The following LDLRAD4 variants were observed in gnomAD, a reference collection of about 807,000 sequenced individuals.
LDLRAD4 encodes low density lipoprotein receptor class A domain containing 4, also known as low-density lipoprotein receptor class A domain-containing protein 4.
LDLRAD4 carries 5 observed loss-of-function variants against 17.0 expected under a neutral mutation model. That is an observed-to-expected ratio of 0.29 (90% CI 0.15 to 0.62). LDLRAD4 has a LOEUF of 0.62. Among genes scored for constraint, LDLRAD4 ranks in the 20% least tolerant of loss-of-function variants. The probability of loss-of-function intolerance (pLI) is 0.84; values close to 1 mark genes in which losing one functional copy is unlikely to be tolerated. For missense variants in LDLRAD4, 340 were observed against 424.7 expected (o/e 0.80, Z 1.75); for synonymous variants, 168 against 171.8 (o/e 0.98, Z 0.17).
intron 4 of LDLRAD4, chr18:13,642,079 C>T (rs1311165089): frequency 5.1e-6 from 5 of 985,436 alleles, no homozygotes; most frequent in Admixed American, 6.1e-5. Flanking sequence ...TCCCTCCCGT[C>T]ACAGGCGGTC....
At chr18:13,455,661 C>T (rs773850952) in intron 3 of LDLRAD4, among the ~76,000 whole-genome samples, 7 of 152,244 alleles carry the variant, frequency 4.6e-5, no homozygotes, top group African/African-American at 9.6e-5. Flanking sequence ...ATGTCCTCCC[C>T]GTGGCTGGGG....
upstream of LDLRAD4, among the ~76,000 whole-genome samples, chr18:13,277,153 G>A (rs1567959242): frequency 1.3e-5 from 2 of 152,128 alleles, no homozygotes; most frequent in Non-Finnish European, 2.9e-5. Flanking sequence ...TGTTTTATCC[G>A]GCTGTCTTTA....
At chr18:13,459,815 C>T (rs941505374) in intron 3 of LDLRAD4, 17 of 153,678 alleles carry the variant, frequency 1.1e-4, no homozygotes, top group African/African-American at 3.8e-4. Flanking sequence ...TCTACATTTT[C>T]TCAGGCAGTG....
At chr18:13,411,437 G>A (rs780072637) in intron 2 of LDLRAD4, among the ~76,000 whole-genome samples, 1 of 152,128 alleles carries the variant, frequency 6.6e-6, no homozygotes, top group African/African-American at 2.4e-5. Flanking sequence ...ATATGGTTTG[G>A]CTGTGTCCTT....
chr18:13,571,058 G>A (rs182073077), intron 3 of LDLRAD4, among the ~76,000 whole-genome samples: 51 of 152,136 alleles, frequency 3.4e-4, no homozygotes, highest in African/African-American at 1.1e-3. Context: ...GGCCTCAAGC[G>A]ATCCTCCCGC....
intron 3 of LDLRAD4, among the ~76,000 whole-genome samples, chr18:13,541,791 A>G (rs1295490577): frequency 2.6e-5 from 4 of 152,202 alleles, no homozygotes; most frequent in Non-Finnish European, 4.4e-5. Context: ...GGTGGCTCAC[A>G]CTTGTGATCC....
chr18:13,317,767 A>T (rs534456283), intron 1 of LDLRAD4, among the ~76,000 whole-genome samples: 1 of 152,332 alleles, frequency 6.6e-6, no homozygotes, highest in African/African-American at 2.4e-5. Context: ...CCCAAAATAT[A>T]AGTAATGTTT....
intron 1 of LDLRAD4, among the ~76,000 whole-genome samples, chr18:13,365,915 A>C (rs754691312): frequency 2.1e-4 from 32 of 152,162 alleles, no homozygotes; most frequent in Non-Finnish European, 3.5e-4. Flanking sequence ...CTGGGATTAC[A>C]GGCGCCCGTC....
At chr18:13,253,955 C>T (rs899291453) in intron 1 of LDLRAD4, among the ~76,000 whole-genome samples, 2 of 152,220 alleles carry the variant, frequency 1.3e-5, no homozygotes, top group Non-Finnish European at 2.9e-5. Flanking sequence ...GAGCCGAGGC[C>T]GCAGAAGGCC....
At chr18:13,347,830 C>T (rs959486847) in intron 1 of LDLRAD4, among the ~76,000 whole-genome samples, 4 of 152,214 alleles carry the variant, frequency 2.6e-5, no homozygotes, top group East Asian at 1.9e-4. Flanking sequence ...TTTGATCTTC[C>T]GTCACTGATA....
rs981592966 is a variant in LDLRAD4 at position 13,501,615 on chromosome 18, G to C, written c.181+63231G>C. Among the ~76,000 whole-genome samples, 3 of 151,436 alleles carry C rather than the reference G, an allele frequency of 2.0e-5. No individual in the cohort carries two copies. The South Asian group carries it at 6.3e-4, about 32-fold the overall frequency. ...TTTTTTGCAGAATCTTGTAGGGTGT[G>C]TTGTGAAAAGTCTGCCAGCCAGGTG... On this transcript the variant is annotated intron_variant, in intron 3 of 5. Coordinates refer to ENST00000359446, the Ensembl canonical transcript of LDLRAD4.
chr18:13,223,588 A>G (rs1236075013), intron 1 of LDLRAD4, among the ~76,000 whole-genome samples: 3 of 152,174 alleles, frequency 2.0e-5, no homozygotes, highest in South Asian at 4.1e-4. Flanking sequence ...TCCATTGGAA[A>G]GTCTCTCTGC....
chr18:13,330,533 A>G (rs929080636), intron 1 of LDLRAD4, among the ~76,000 whole-genome samples: 5 of 152,166 alleles, frequency 3.3e-5, no homozygotes, highest in African/African-American at 1.2e-4. Context: ...CTGGAAACCT[A>G]ATCTTTTTTA....
chr18:13,510,886 G>A (rs568737139), intron 3 of LDLRAD4, among the ~76,000 whole-genome samples: 1 of 152,284 alleles, frequency 6.6e-6, no homozygotes, highest in African/African-American at 2.4e-5. Flanking sequence ...GCTGGGGTGA[G>A]GAGTGAGAGG....
At chr18:13,467,329 C>A (rs1454723174) in intron 3 of LDLRAD4, among the ~76,000 whole-genome samples, 1 of 152,122 alleles carries the variant, frequency 6.6e-6, no homozygotes, top group Non-Finnish European at 1.5e-5. Context: ...ATGCAAAAAT[C>A]AAGTGTGTTT....
At chr18:13,555,169 A>C (rs900810874) in intron 3 of LDLRAD4, among the ~76,000 whole-genome samples, 1 of 152,216 alleles carries the variant, frequency 6.6e-6, no homozygotes, top group Non-Finnish European at 1.5e-5. Flanking sequence ...ACAGTGACTA[A>C]AGGTGATGAG....
At chr18:13,320,688 C>T (rs2081169330) in intron 1 of LDLRAD4, among the ~76,000 whole-genome samples, 1 of 152,194 alleles carries the variant, frequency 6.6e-6, no homozygotes, top group South Asian at 2.1e-4. Context: ...TGAGGCTCAG[C>T]ACAGGCTGTG....
intron 3 of LDLRAD4, among the ~76,000 whole-genome samples, chr18:13,563,504 A>C (rs1412193571): frequency 6.6e-6 from 1 of 152,166 alleles, no homozygotes; most frequent in Non-Finnish European, 1.5e-5. Flanking sequence ...GATAGTCTTC[A>C]TTTGCGGAGG....
chr18:13,645,567 G>A lies in LDLRAD4; in HGVS notation c.831G>A (p.Arg277=), dbSNP rs1287904874. ...ATCACCAGCGCAGCAACGCACACAG[G>A]GGCAGCAGACTGCAGTTTCAGCAGA... The change falls in exon 6 of 6, where the codon AGG becomes AGA. Residue 277 remains arginine (R), a synonymous_variant. Transcript: ENST00000359446. This position sits in a 1 kb window ranked among gnomAD's most constrained non-coding sequence, Gnocchi z 5.7. 6.2e-7 allele frequency: 1 copy of A among 1,605,824 alleles called. No individual in the cohort carries two copies. The highest frequency in any genetic ancestry group is 1.1e-5 in the South Asian group (1 of 89,690).
Sources: allele counts gnomAD v4.1 joint callset (sites outside exome capture counted in the v4.1 genomes callset), GRCh38; gene constraint gnomAD v4.1.1; non-coding constraint Gnocchi (gnomAD v3.1); transcripts MANE v1.5; gene names NCBI Gene and HGNC (gene_info 2026-07-23, HGNC 2026-07-21).